CACNA1I: variants seen among roughly 807,000 people sequenced by gnomAD.
The protein encoded by CACNA1I is voltage-dependent T-type calcium channel subunit alpha-1I.
In CACNA1I, 74 loss-of-function variants were observed where a neutral mutation model predicts 201.6. The observed-to-expected ratio is 0.37, with a 90% CI of 0.30 to 0.45. CACNA1I has a LOEUF of 0.45. Among genes scored for constraint, CACNA1I ranks in the 20% least tolerant of loss-of-function variants. The pLI, the probability that CACNA1I is intolerant of heterozygous loss-of-function variation, is 1.00. For missense variants in CACNA1I, 2,346 were observed against 3,138.1 expected, an observed-to-expected ratio of 0.75 and a Z score of 6.03; for synonymous variants, 1,431 against 1,345.2, an observed-to-expected ratio of 1.06 and a Z score of -1.40.
At position 39,619,310 on chromosome 22, in the gene CACNA1I, G is replaced by A. The variant is rs1280524203; in HGVS notation, c.483G>A (p.Gly161=). ...CTCACTCTCTCTCCTTTCTCTGCAG[G>A]ATGGTCGAGTACTCCCTGGACCTTC... The part of the protein sequence containing the change: ...NRLDFFIVMA[G]MVEYSLDLQN... Residue 161 remains glycine, a splice_region_variant and synonymous_variant, in exon 4 of 37, where the codon GGG becomes GGA. Transcript: ENST00000402142. The A allele has an allele frequency of 6.2e-7, 1 of 1,607,138 alleles. No homozygotes were observed. Among genetic ancestry groups the A allele is most frequent in the Non-Finnish European group, 8.5e-7 (1 of 1,178,830 alleles).
rs1935879735 is a variant in CACNA1I, at chr22:39,686,386, C to A, written c.6653C>A (p.Ala2218Asp). Residue 2218 changes from alanine to aspartate, a missense_variant, in exon 37 of 37, where the codon GCC becomes GAC. This residue lies in a region of CACNA1I where 187 missense variants were observed against 151.0 expected (regional missense o/e 1.24). Coordinates refer to ENST00000402142, the MANE Select transcript of CACNA1I (RefSeq NM_021096.4). ...GGAGAGCTGGAGCCGGGAGACGCCG[C>A]CAGCAAGAGGAAGAGATGAGGGTCG... ...LPGELEPGDA[A>D]SKRKR 1 of 1,292,540 alleles carries A rather than the reference C, an allele frequency of 7.7e-7. No individual in the cohort carries two copies. Among genetic ancestry groups the A allele is most frequent in the African/African-American group, 1.6e-5 (1 of 64,170 alleles). The allele number at this position is 1,292,540 out of a possible 1,614,324, so 80.1% of individuals were successfully genotyped here.
At position 39,685,625 on chromosome 22, in the gene CACNA1I, A is replaced by C; in HGVS notation, c.6028-136A>C. ...GACGCCGCCTAAGCTGGACGTGCGG[A>C]GGGGAGAAGCCCTGCTCCGAAGGGA... On this transcript the variant is annotated intron_variant, in intron 36 of 36. Coordinates refer to ENST00000402142, the MANE Select transcript of CACNA1I (RefSeq NM_021096.4). This position sits in a 1 kb window ranked among gnomAD's most constrained non-coding sequence, Gnocchi z 5.0. 1.4e-6 allele frequency: 1 copy of C among 698,620 alleles called. No individual in the cohort carries two copies. The highest frequency in any genetic ancestry group is 3.5e-5 in the East Asian group (1 of 28,732). The allele number at this position is 698,620 out of a possible 1,614,324, so 43.3% of individuals were successfully genotyped here.
chr22:39,670,594 G>T (rs189781150), intron 25 of CACNA1I, among the ~76,000 whole-genome samples: 2 of 152,304 alleles, frequency 1.3e-5, no homozygotes, highest in East Asian at 3.9e-4. Context: ...TGAATGTCCT[G>T]CCTTCTTTGT....
chr22:39,654,983 G>T (rs1452237784), intron 10 of CACNA1I, among the ~76,000 whole-genome samples: 1 of 152,120 alleles, frequency 6.6e-6, no homozygotes, highest in Non-Finnish European at 1.5e-5. Context: ...ATCAGAAAAG[G>T]GGGGCAGGTG....
intron 16 of CACNA1I, 69 bp downstream of exon 16, chr22:39,661,379 A>G: frequency 4.2e-6 from 5 of 1,199,258 alleles, no homozygotes; most frequent in South Asian, 3.2e-5. Context: ...CCCTGAAGAG[A>G]GGTACCTGCC....
chr22:39,661,129 C>T lies in CACNA1I; in HGVS notation c.2720C>T (p.Pro907Leu). ...SSGDPKLCPI[P>L]MTPNGHLDPS... is the part of the protein sequence containing the mutation. The stretch of plus-strand genomic sequence containing the variant: ...CCAGATCCCAAGCTCTGCCCAATCC[C>T]CATGACCCCCAATGGGCACCTGGAC... Residue 907 changes from proline to leucine, a missense_variant, in exon 16 of 37, where the codon CCC becomes CTC. By Grantham distance (98) the Pro-to-Leu change is moderately conservative. Transcript: ENST00000402142. 6.2e-7 allele frequency: 1 copy of T among 1,613,452 alleles called. No individual in the cohort carries two copies. Among genetic ancestry groups the T allele is most frequent in the Admixed American group, 1.7e-5 (1 of 59,990 alleles).
chr22:39,601,502 A>T (rs766204032), intron 3 of CACNA1I, among the ~76,000 whole-genome samples: 13 of 152,106 alleles, frequency 8.5e-5, no homozygotes, highest in Non-Finnish European at 1.5e-4. Flanking sequence ...GGAGACATTA[A>T]CCATGCCCAA....
At chr22:39,583,031 A>AT (rs1932613851) in intron 1 of CACNA1I, among the ~76,000 whole-genome samples, 1 of 116,422 alleles carries the variant, frequency 8.6e-6, no homozygotes, top group East Asian at 2.7e-4. Context: ...CAAGCACCCA[A>AT]CCATCCATCC....
chr22:39,572,875 G>T (rs1377729074), intron 1 of CACNA1I, among the ~76,000 whole-genome samples: 1 of 152,056 alleles, frequency 6.6e-6, no homozygotes, highest in Non-Finnish European at 1.5e-5. Context: ...TCCTGCCTCA[G>T]CCTCCCGAGT....
Position 39,669,548 on chromosome 22 carries a change from G to A in CACNA1I, c.4195-490G>A, listed in dbSNP as rs372760278. On this transcript the variant is annotated intron_variant, in intron 24 of 36. Coordinates refer to ENST00000402142, the MANE Select transcript of CACNA1I (RefSeq NM_021096.4). ...GGATGGGTGGATGGATGAATGGATG[G>A]GTGGGTGGATGGATGGGTGGGTAGA... Among the ~76,000 whole-genome samples the A allele has an allele frequency of 2.8e-3, 421 of 151,916 alleles. No homozygotes were observed. The Middle Eastern group carries it at 0.031, about 11-fold the overall frequency.
At chr22:39,662,490 G>T in intron 17 of CACNA1I, 55 bp downstream of exon 17, 1 of 1,287,684 alleles carries the variant, frequency 7.8e-7, no homozygotes, top group South Asian at 1.6e-5. Flanking sequence ...GACAGAAGTG[G>T]GTGCGGCCCC....
chr22:39,571,038 G>C (rs747457243), intron 1 of CACNA1I, 50 bp downstream of exon 1: 35 of 1,495,468 alleles, frequency 2.3e-5, no homozygotes, highest in South Asian at 1.0e-4. Flanking sequence ...GCTGAAGGGT[G>C]GGGGGCTGGA....
At position 39,659,940 on chromosome 22, in the gene CACNA1I, C is replaced by T; in HGVS notation, c.2604+88C>T. ...AGGTGGCCTGGATGGGGGAGGGCTG[C>T]AATTCAAACTTCTAGCAGGCAACCT... is the stretch of plus-strand genomic sequence containing the variant. On this transcript the variant is annotated intron_variant, in intron 14 of 36. Coordinates refer to ENST00000402142, the MANE Select transcript of CACNA1I (RefSeq NM_021096.4). This position sits in a 1 kb window ranked among gnomAD's most constrained non-coding sequence, Gnocchi z 4.3. 1 of 1,491,124 alleles carries T rather than the reference C, an allele frequency of 6.7e-7. No homozygotes were observed. Among genetic ancestry groups the T allele is most frequent in the Non-Finnish European group, 9.3e-7 (1 of 1,077,614 alleles). The allele number at this position is 1,491,124 out of a possible 1,614,324, so 92.4% of individuals were successfully genotyped here. A position where few individuals can be genotyped will look rare whatever the true frequency, so the allele number is the denominator to read the frequency against.
Position 39,634,629 on chromosome 22 carries a change from C to T in CACNA1I, c.645C>T (p.Leu215=). ...CCATGCTGGGGAATGTCCTGCTGCTCTGCTTCTTTGTCTTCTTCATCTTTG... is the reference window on the plus strand; with the variant it reads ...CCATGCTGGGGAATGTCCTGCTGCTTTGCTTCTTTGTCTTCTTCATCTTTG... ...TLPMLGNVLL[L]CFFVFFIFGI... Residue 215 remains leucine (L), a synonymous_variant, in exon 5 of 37, where the codon CTC becomes CTT. Transcript: ENST00000402142. The T allele has an allele frequency of 1.2e-6, 2 of 1,614,002 alleles. No individual in the cohort carries two copies. Among genetic ancestry groups the T allele is most frequent in the Non-Finnish European group, 1.7e-6 (2 of 1,179,888 alleles).
At chr22:39,598,008 C>T (rs1213046435) in intron 1 of CACNA1I, 143 bp from the exon 2 acceptor site, 1 of 638,774 alleles carries the variant, frequency 1.6e-6, no homozygotes, top group Non-Finnish European at 2.9e-6. Flanking sequence ...TGAGCTGTTT[C>T]AGGGATGGCA....
At position 39,640,972 on chromosome 22, in the gene CACNA1I, G is replaced by T. The variant is rs1190989203; in HGVS notation, c.846G>T (p.Glu282Asp). The T allele has an allele frequency of 3.1e-6, 5 of 1,614,052 alleles. No individual in the cohort carries two copies. Among genetic ancestry groups the T allele is most frequent in the Non-Finnish European group, 4.2e-6 (5 of 1,179,906 alleles). Reference protein sequence around the residue: ...SGDNGIMGCHEIPPLKEQGRE... With the variant: ...SGDNGIMGCHDIPPLKEQGRE... Reference sequence around the variant, plus strand: ...ACAATGGGATAATGGGCTGCCATGAGATCCCCCCGCTCAAGGAGCAGGGCC... The same window carrying T: ...ACAATGGGATAATGGGCTGCCATGATATCCCCCCGCTCAAGGAGCAGGGCC... Residue 282 changes from glutamate to aspartate, a missense_variant, in exon 6 of 37, where the codon GAG (glutamate) becomes GAT (aspartate). Around this residue, in one of 13 missense-constraint regions of CACNA1I, gnomAD observed 227 missense variants for 412.5 expected, o/e 0.55. Coordinates refer to ENST00000402142, the MANE Select transcript of CACNA1I (RefSeq NM_021096.4).
intron 4 of CACNA1I, among the ~76,000 whole-genome samples, chr22:39,619,932 T>C (rs1431793162): frequency 6.6e-6 from 1 of 151,380 alleles, no homozygotes; most frequent in African/African-American, 2.4e-5. Context: ...CCTATCCACC[T>C]GTCCATCCAT....
chr22:39,598,021 C>A, intron 1 of CACNA1I, 130 bp from the exon 2 acceptor site: 2 of 647,226 alleles, frequency 3.1e-6, no homozygotes, highest in South Asian at 1.8e-5. Flanking sequence ...GGATGGCACC[C>A]AGAGGGAGAA....
At chr22:39,621,187 A>G (rs1420709947) in intron 4 of CACNA1I, among the ~76,000 whole-genome samples, 1 of 152,244 alleles carries the variant, frequency 6.6e-6, no homozygotes, top group East Asian at 1.9e-4. Context: ...ATTCAGCGGC[A>G]GAGCTGGAAT....
Sources: gnomAD v4.1 joint callset for allele counts (sites outside exome capture counted in the v4.1 genomes callset) on GRCh38, gnomAD v4.1.1 for gene constraint, gnomAD v4.1.1 regional missense constraint, Gnocchi (gnomAD v3.1) non-coding constraint, MANE v1.5 for transcripts, NCBI Gene and HGNC (gene_info 2026-07-23, HGNC 2026-07-21) for gene names.